The following GATA4 variants were observed in gnomAD, a reference collection of about 807,000 sequenced individuals.
GATA4 encodes the protein transcription factor GATA-4.
A neutral mutation model predicts 37.9 loss-of-function variants in GATA4; 7 were observed. The observed-to-expected ratio is 0.18, with a 90% CI of 0.11 to 0.35. The LOEUF (loss-of-function observed/expected upper bound fraction) is 0.35. Ranked by LOEUF, GATA4 falls within the 10% of genes least tolerant of loss-of-function variation. GATA4 has a pLI of 1.00. For missense variants in GATA4, 647 were observed against 653.0 expected (o/e 0.99, Z 0.10); for synonymous variants, 372 against 292.6 (o/e 1.27, Z -2.77).
chr8:11,680,825 C>G (rs998256977), intron 1 of GATA4: 5 of 985,294 alleles, frequency 5.1e-6, no homozygotes, highest in South Asian at 4.7e-5. Context: ...TCGGTCCCCA[C>G]GCTCTGGGCA....
intron 1 of GATA4, among the ~76,000 whole-genome samples, chr8:11,677,655 C>T (rs1319469915): frequency 6.6e-6 from 1 of 152,192 alleles, no homozygotes; most frequent in East Asian, 1.9e-4. Context: ...GTGCTGTTTC[C>T]CATCGCTTGG....
intron 2 of GATA4, among the ~76,000 whole-genome samples, chr8:11,726,532 G>A (rs1800932192): frequency 6.6e-6 from 1 of 152,200 alleles, no homozygotes; most frequent in Non-Finnish European, 1.5e-5. Flanking sequence ...GGTGGCAGTG[G>A]CTGGACTCTG....
chr8:11,722,308 G>T (rs1800714028), intron 2 of GATA4, among the ~76,000 whole-genome samples: 1 of 152,182 alleles, frequency 6.6e-6, no homozygotes, highest in Non-Finnish European at 1.5e-5. Context: ...ATTCCAAACA[G>T]CATGTCATTT....
chr8:11,748,712 G>A (rs547743926), intron 2 of GATA4, among the ~76,000 whole-genome samples: 9 of 152,232 alleles, frequency 5.9e-5, no homozygotes, highest in South Asian at 4.1e-4. Flanking sequence ...TCCTCTTCTC[G>A]TGCTCAGGGG....
intron 2 of GATA4, among the ~76,000 whole-genome samples, chr8:11,746,256 A>G (rs974093221): frequency 6.6e-6 from 1 of 152,098 alleles, no homozygotes; most frequent in Non-Finnish European, 1.5e-5. Context: ...AAAGATAGAA[A>G]AAGTAAAATA....
chr8:11,739,442 G>A (rs1478179495), intron 2 of GATA4, among the ~76,000 whole-genome samples: 1 of 151,846 alleles, frequency 6.6e-6, no homozygotes, highest in Non-Finnish European at 1.5e-5. Flanking sequence ...AGCAAGAGTG[G>A]GCTGGCTTTT....
intron 2 of GATA4, among the ~76,000 whole-genome samples, chr8:11,734,403 A>G (rs1801352476): frequency 6.6e-6 from 1 of 152,264 alleles, no homozygotes. Flanking sequence ...GTGTCTGGTG[A>G]GAGACCCAAG....
At chr8:11,733,687 A>G (rs74449430) in intron 2 of GATA4, among the ~76,000 whole-genome samples, 3,787 of 152,336 alleles carry the variant, frequency 0.025, 163 homozygotes, top group African/African-American at 0.087. Context: ...AAAAATGTCT[A>G]AACAGATATG....
At chr8:11,720,049 C>T (rs1033281353) in intron 2 of GATA4, among the ~76,000 whole-genome samples, 1 of 151,840 alleles carries the variant, frequency 6.6e-6, no homozygotes, top group Non-Finnish European at 1.5e-5. Context: ...TCCCAGCAGC[C>T]GCAGGGAGGT....
intron 2 of GATA4, among the ~76,000 whole-genome samples, chr8:11,727,393 G>A (rs1191316968): frequency 6.6e-6 from 1 of 152,198 alleles, no homozygotes; most frequent in East Asian, 1.9e-4. Flanking sequence ...TCCTGGTGAA[G>A]GGGGAGCCCA....
intron 2 of GATA4, among the ~76,000 whole-genome samples, chr8:11,737,657 C>A (rs560029182): frequency 6.6e-6 from 1 of 152,146 alleles, no homozygotes; most frequent in Non-Finnish European, 1.5e-5. Context: ...AAGATGACAG[C>A]GGGTCAACAG....
rs530610803 is a variant in GATA4, at chr8:11,758,706, C to A, written c.*231C>A. On this transcript the variant is annotated 3_prime_UTR_variant, in exon 7 of 7. Transcript: ENST00000532059. ...GAGGGAGCCCACCCTTCAGCACGAG[C>A]ACACTGCATCTCTCCTGTGAGTTGG... The A allele has an allele frequency of 6.9e-6, 4 of 582,044 alleles. No homozygotes were observed. In the Admixed American group the frequency reaches 1.1e-4, roughly 16 times the overall value. 36.1% of individuals were successfully genotyped at this position (582,044 alleles called of 1,614,324 possible).
At chr8:11,729,810 G>A (rs1801116332) in intron 2 of GATA4, among the ~76,000 whole-genome samples, 1 of 152,184 alleles carries the variant, frequency 6.6e-6, no homozygotes, top group Non-Finnish European at 1.5e-5. Context: ...AATTCTGAGT[G>A]AGTTTGGAGA....
chr8:11,696,767 GAT>G (rs1799521199), intron 1 of GATA4, among the ~76,000 whole-genome samples: 1 of 152,228 alleles, frequency 6.6e-6, no homozygotes, highest in African/African-American at 2.4e-5. Flanking sequence ...TGGAAAGAAA[GAT>G]ATGAATTCAG....
At chr8:11,728,846 A>G (rs1449671015) in intron 2 of GATA4, among the ~76,000 whole-genome samples, 2 of 152,170 alleles carry the variant, frequency 1.3e-5, no homozygotes. Context: ...CCCATATCCA[A>G]CTTACTGTCT....
At chr8:11,726,857 G>A (rs922475035) in intron 2 of GATA4, among the ~76,000 whole-genome samples, 2 of 152,330 alleles carry the variant, frequency 1.3e-5, no homozygotes, top group East Asian at 1.9e-4. Flanking sequence ...CATTCCATCA[G>A]TGTTCTGGAC....
At chr8:11,692,883 C>T in intron 1 of GATA4, 1 of 982,566 alleles carries the variant, frequency 1.0e-6, no homozygotes, top group South Asian at 4.7e-5. Context: ...TTGCGCCGCC[C>T]GCCGCCCCGC....
chr8:11,714,008 G>T (rs1389524347), intron 2 of GATA4, among the ~76,000 whole-genome samples: 1 of 152,232 alleles, frequency 6.6e-6, no homozygotes, highest in African/African-American at 2.4e-5. Context: ...TTACACCTCA[G>T]TGAAGCTGAT....
At chr8:11,726,805 G>C (rs1474413874) in intron 2 of GATA4, among the ~76,000 whole-genome samples, 1 of 152,206 alleles carries the variant, frequency 6.6e-6, no homozygotes, top group African/African-American at 2.4e-5. Context: ...GCTGGGCCCT[G>C]ATGGTGCCCT....
Sources: gnomAD v4.1 joint callset for allele counts (sites outside exome capture counted in the v4.1 genomes callset) on GRCh38, gnomAD v4.1.1 for gene constraint, MANE v1.5 for transcripts, NCBI Gene and HGNC (gene_info 2026-07-23, HGNC 2026-07-21) for gene names.